The following ASTN1 variants were observed in gnomAD, a reference collection of about 807,000 sequenced individuals.
ASTN1 encodes the protein astrotactin-1.
Under a neutral mutation model 140.7 loss-of-function variants are expected in ASTN1, and 41 were observed. The ratio of observed to expected loss-of-function variants is 0.29; its 90% confidence interval spans 0.23 to 0.38. The LOEUF is 0.38. Among genes scored for constraint, ASTN1 ranks in the 10% least tolerant of loss-of-function variants. The probability of loss-of-function intolerance (pLI) is 1.00; values close to 1 mark genes in which losing one functional copy is unlikely to be tolerated. For missense variants in ASTN1, 1,479 were observed against 1,678.8 expected, an observed-to-expected ratio of 0.88 and a Z score of 2.08; for synonymous variants, 640 against 652.2, an observed-to-expected ratio of 0.98 and a Z score of 0.29.
At chr1:176,920,857 A>T (rs185708920) in intron 16 of ASTN1, among the ~76,000 whole-genome samples, 99 of 152,380 alleles carry the variant, frequency 6.5e-4, no homozygotes, top group Non-Finnish European at 1.3e-3. Flanking sequence ...GAATGAATGC[A>T]TATACATCAT....
intron 18 of ASTN1, among the ~76,000 whole-genome samples, chr1:176,887,187 G>A (rs1419277612): frequency 6.6e-6 from 1 of 152,072 alleles, no homozygotes; most frequent in Non-Finnish European, 1.5e-5. Context: ...CCATTTCTCT[G>A]GGGTTGACTG....
chr1:177,040,023 G>A (rs1676897847), intron 2 of ASTN1, among the ~76,000 whole-genome samples: 1 of 152,206 alleles, frequency 6.6e-6, no homozygotes, highest in African/African-American at 2.4e-5. Context: ...TATTGACCAT[G>A]AAGATCCCTT....
chr1:176,862,770 G>A lies in ASTN1; in HGVS notation c.*1514C>T. 1.0e-6 allele frequency: 1 copy of A among 965,910 alleles called. No homozygotes were observed. The highest frequency in any genetic ancestry group is 1.2e-6 in the Non-Finnish European group (1 of 812,230). 59.8% of individuals were successfully genotyped at this position (965,910 alleles called of 1,614,324 possible). A position where few individuals can be genotyped will look rare whatever the true frequency, so the allele number is the denominator to read the frequency against. ...GTGAGAATTCAATGATACCTAAAGT[G>A]CTTACATCAGCGCCTGGCATACAGC... On this transcript the variant is annotated 3_prime_UTR_variant, in exon 23 of 23. Transcript: ENST00000361833.
At chr1:176,930,507 G>T (rs1368355270) in intron 16 of ASTN1, among the ~76,000 whole-genome samples, 2 of 152,146 alleles carry the variant, frequency 1.3e-5, no homozygotes, top group Admixed American at 1.3e-4. Flanking sequence ...GGTTTCTTTA[G>T]AGGAGTATGG....
chr1:176,981,211 C>CAAAA lies in ASTN1; in HGVS notation c.1524-15978_1524-15975dup, dbSNP rs35209486. On this transcript the variant is annotated intron_variant, in intron 8 of 22. Coordinates refer to ENST00000361833, the MANE Select transcript of ASTN1 (RefSeq NM_004319.3). ...TGGGTGACAGAAGGAGACTCTGTCT[C>CAAAA]AAAAAAAAAAAAAAAAAAAAAAAAA... Among the ~76,000 whole-genome samples the CAAAA allele has an allele frequency of 4.0e-3, 96 of 24,066 alleles. 8 individuals carry two copies. The highest frequency in any genetic ancestry group is 7.1e-3 in the African/African-American group (66 of 9,310). The allele number at this position is 24,066 out of a possible 152,430, so 15.8% of individuals were successfully genotyped here. A position where few individuals can be genotyped will look rare whatever the true frequency, so the allele number is the denominator to read the frequency against.
At chr1:176,857,363 G>T (rs142340982), downstream of ASTN1, 6,969 of 391,620 alleles carry the variant, frequency 0.018, 93 homozygotes, top group Admixed American at 0.042. Context: ...AGTCAGGAAA[G>T]CAAAATACAT....
At chr1:177,133,588 T>C (rs763590310) in intron 1 of ASTN1, among the ~76,000 whole-genome samples, 1 of 152,208 alleles carries the variant, frequency 6.6e-6, no homozygotes, top group African/African-American at 2.4e-5. Flanking sequence ...TTAATAATAC[T>C]TGCACACTGA....
Position 176,936,313 on chromosome 1 carries a change from C to A in ASTN1, c.2435G>T (p.Arg812Leu), listed in dbSNP as rs757289219. The A allele has an allele frequency of 1.9e-6, 3 of 1,613,894 alleles. No homozygotes were observed. The South Asian group carries it at 3.3e-5, about 18-fold the overall frequency. ...GAGTTTGATGTGGTACATCACAGAC[C>A]GGACCTTCCAGTGCTGCAGCACAGG... is the stretch of plus-strand genomic sequence containing the variant. The part of the protein sequence containing the change: ...GYPVLQHWKV[R>L]SVMYHIKLNQ... Residue 812 changes from arginine (R) to leucine (L), a missense_variant, in exon 15 of 23, where the codon CGG becomes CTG. Arg to Leu is a moderately radical substitution (Grantham distance 102). Coordinates refer to ENST00000361833, the MANE Select transcript of ASTN1 (RefSeq NM_004319.3).
Position 177,032,559 on chromosome 1 carries a change from C to T in ASTN1, c.762G>A (p.Gln254=), listed in dbSNP as rs773205521. The T allele has an allele frequency of 4.3e-6, 7 of 1,614,202 alleles. No individual in the cohort carries two copies. The highest frequency in any genetic ancestry group is 1.6e-4 in the Middle Eastern group (1 of 6,062). The change falls in exon 3 of 23, where the codon CAG becomes CAA. Residue 254 remains glutamine, a synonymous_variant. Transcript: ENST00000361833. ...CCTCCCCTCCGTTCATGCACTCCCT[C>T]TGCAGATGGTGGCGCAGATCAGTGA... is the stretch of plus-strand genomic sequence containing the variant. ...YDITDLRHHL[Q]RECMNGGEDF... is the part of the protein sequence containing the mutation.
intron 1 of ASTN1, among the ~76,000 whole-genome samples, chr1:177,088,480 C>T (rs1679582905): frequency 6.6e-6 from 1 of 152,142 alleles, no homozygotes; most frequent in Non-Finnish European, 1.5e-5. Flanking sequence ...TGGATACTTC[C>T]CTGAATGTGG....
Position 177,141,733 on chromosome 1 carries a change from G to A in ASTN1, c.283+22661C>T, listed in dbSNP as rs1682478566. ...AAAAGGGATATTTTCATTTCCAACT[G>A]CCTGGCTCTTATCTCTGTCTCTTAG... On this transcript the variant is annotated intron_variant, in intron 1 of 22. Coordinates refer to ENST00000361833, the MANE Select transcript of ASTN1 (RefSeq NM_004319.3). Among the ~76,000 whole-genome samples, 4 of 152,282 alleles carry A rather than the reference G, an allele frequency of 2.6e-5. No homozygotes were observed. In the South Asian group the frequency reaches 8.3e-4, roughly 32 times the overall value.
At chr1:176,889,030 C>G (rs1451487761) in intron 17 of ASTN1, among the ~76,000 whole-genome samples, 1 of 152,202 alleles carries the variant, frequency 6.6e-6, no homozygotes, top group Non-Finnish European at 1.5e-5. Flanking sequence ...CTTTGAATAA[C>G]AGGGTTGAGT....
intron 8 of ASTN1, among the ~76,000 whole-genome samples, chr1:176,973,852 A>G (rs1340277437): frequency 2.0e-5 from 3 of 152,136 alleles, no homozygotes; most frequent in Non-Finnish European, 2.9e-5. Flanking sequence ...CACTCCTGGC[A>G]TTTCATAGGC....
At chr1:177,155,100 G>A (rs548910353) in intron 1 of ASTN1, among the ~76,000 whole-genome samples, 1 of 152,228 alleles carries the variant, frequency 6.6e-6, no homozygotes, top group African/African-American at 2.4e-5. Context: ...AAGGAAAAGA[G>A]GCAAGTCTAA....
At chr1:177,143,660 T>G (rs539331073) in intron 1 of ASTN1, among the ~76,000 whole-genome samples, 6 of 152,222 alleles carry the variant, frequency 3.9e-5, no homozygotes, top group African/African-American at 1.4e-4. Context: ...TTATGTTTTT[T>G]AAATAAAATT....
chr1:177,057,636 G>A (rs1443908790), intron 2 of ASTN1, among the ~76,000 whole-genome samples: 1 of 152,036 alleles, frequency 6.6e-6, no homozygotes, highest in East Asian at 1.9e-4. Flanking sequence ...TTCATGTTTC[G>A]ATAATCGCTT....
intron 8 of ASTN1, among the ~76,000 whole-genome samples, chr1:176,965,700 T>C (rs1190347809): frequency 6.6e-6 from 1 of 152,186 alleles, no homozygotes; most frequent in Non-Finnish European, 1.5e-5. Flanking sequence ...TAATTTCCTA[T>C]AGGGTCAATA....
chr1:176,981,853 T>A (rs1673635612), intron 8 of ASTN1: 1 of 152,520 alleles, frequency 6.6e-6, no homozygotes, highest in Non-Finnish European at 1.5e-5. Flanking sequence ...TGTATCAAAT[T>A]TGAAGTGAAG....
At position 176,879,985 on chromosome 1, in the gene ASTN1, G is replaced by A. The variant is rs149373398; in HGVS notation, c.3362+2874C>T. On this transcript the variant is annotated intron_variant, in intron 20 of 22. Coordinates refer to ENST00000361833, the MANE Select transcript of ASTN1 (RefSeq NM_004319.3). ...CATCTCAGAAAGGCCTCGGCTTACC[G>A]TTAGCGTTATCGTTTCTACCACTGA... 1.2e-3 allele frequency among the ~76,000 whole-genome samples: 188 copies of A among 152,292 alleles called. 1 individual carries two copies. Among genetic ancestry groups the A allele is most frequent in the African/African-American group, 4.4e-3 (181 of 41,570 alleles).
Sources: gnomAD v4.1 joint callset for allele counts (sites outside exome capture counted in the v4.1 genomes callset) on GRCh38, gnomAD v4.1.1 for gene constraint, MANE v1.5 for transcripts, NCBI Gene and HGNC (gene_info 2026-07-23, HGNC 2026-07-21) for gene names.